Variants in POU2F1 observed in about 807,000 individuals in gnomAD.
POU2F1 encodes POU class 2 homeobox 1, also known as POU domain, class 2, transcription factor 1.
Under a neutral mutation model 84.9 loss-of-function variants are expected in POU2F1, and 16 were observed. The observed-to-expected ratio is 0.19, with a 90% CI of 0.13 to 0.29. POU2F1 has a LOEUF of 0.29. POU2F1 is among the 10% of genes least tolerant of loss of function. The pLI is 1.00. For synonymous variants in POU2F1, 368 were observed against 368.3 expected (o/e 1.00, Z 0.01); for missense variants, 738 against 942.6 (o/e 0.78, Z 2.84).
intron 1 of POU2F1, among the ~76,000 whole-genome samples, chr1:167,327,199 A>C (rs1449089131): frequency 6.6e-6 from 1 of 152,212 alleles, no homozygotes; most frequent in Non-Finnish European, 1.5e-5. Context: ...CAGTGACTTG[A>C]TGTCTGCCCT....
At chr1:167,317,467 T>C (rs1233094554) in intron 1 of POU2F1, among the ~76,000 whole-genome samples, 1 of 152,216 alleles carries the variant, frequency 6.6e-6, no homozygotes, top group Non-Finnish European at 1.5e-5. Context: ...ATCAGGGGGC[T>C]GACAGCCTTC....
At chr1:167,239,963 T>A (rs1418900955) in intron 1 of POU2F1, among the ~76,000 whole-genome samples, 1 of 151,202 alleles carries the variant, frequency 6.6e-6, no homozygotes, top group Non-Finnish European at 1.5e-5. Flanking sequence ...TTTTTTTCTT[T>A]AAGCTATGAA....
chr1:167,398,289 A>T (rs1045912787), intron 11 of POU2F1, among the ~76,000 whole-genome samples, 156 bp downstream of exon 11: 1 of 152,244 alleles, frequency 6.6e-6, no homozygotes, highest in African/African-American at 2.4e-5. Flanking sequence ...CTAACATAGG[A>T]GACAGAACCA....
intron 1 of POU2F1, among the ~76,000 whole-genome samples, chr1:167,312,237 A>AT (rs71572443): frequency 0.031 from 4,157 of 132,694 alleles, 69 homozygotes; most frequent in Middle Eastern, 0.046. Context: ...TGCCCAGCCA[A>AT]TTTTTTTTTT....
At chr1:167,298,004 T>C (rs1654408330) in intron 1 of POU2F1, among the ~76,000 whole-genome samples, 1 of 151,772 alleles carries the variant, frequency 6.6e-6, no homozygotes, top group South Asian at 2.1e-4. Flanking sequence ...TGCAAGCCTG[T>C]AATCCCAACT....
intron 1 of POU2F1, among the ~76,000 whole-genome samples, chr1:167,286,766 G>T (rs1557869606): frequency 6.6e-6 from 1 of 152,144 alleles, no homozygotes; most frequent in Non-Finnish European, 1.5e-5. Flanking sequence ...TGCTTTTGAA[G>T]ATGGAAATTA....
intron 1 of POU2F1, among the ~76,000 whole-genome samples, chr1:167,249,145 T>C (rs998689488): frequency 6.6e-6 from 1 of 152,226 alleles, no homozygotes; most frequent in African/African-American, 2.4e-5. Context: ...CATTTTTTTC[T>C]GCCTCTGTAA....
Position 167,415,942 on chromosome 1 carries a change from A to T in POU2F1, c.*132A>T. 58 of 523,892 alleles carry T rather than the reference A, an allele frequency of 1.1e-4. No individual in the cohort carries two copies. The highest frequency in any genetic ancestry group is 3.5e-4 in the Middle Eastern group (1 of 2,866). The allele number at this position is 523,892 out of a possible 1,614,324, so 32.5% of individuals were successfully genotyped here. Reference sequence around the variant, plus strand: ...TGTGAGGGCAAAGGAGAGAAGGGAGAAAAAAAAAAAAAAACCACACACACC... The same window carrying T: ...TGTGAGGGCAAAGGAGAGAAGGGAGTAAAAAAAAAAAAAACCACACACACC... On this transcript the variant is annotated 3_prime_UTR_variant, in exon 16 of 16. Transcript: ENST00000367866.
At chr1:167,224,823 T>G (rs1557828229) in intron 1 of POU2F1, among the ~76,000 whole-genome samples, 1 of 142,174 alleles carries the variant, frequency 7.0e-6, no homozygotes, top group Non-Finnish European at 1.5e-5. Context: ...TGTCACTGTC[T>G]TCTTTTTTTT....
At chr1:167,410,523 TA>T (rs767685698) in intron 13 of POU2F1, among the ~76,000 whole-genome samples, 13,646 of 151,872 alleles carry the variant, frequency 0.09, 1,967 homozygotes, top group African/African-American at 0.31. Flanking sequence ...TTATTATTAT[TA>T]TTATTATTTT....
chr1:167,294,728 T>G (rs1290973617), intron 1 of POU2F1, among the ~76,000 whole-genome samples: 1 of 152,134 alleles, frequency 6.6e-6, no homozygotes, highest in Non-Finnish European at 1.5e-5. Context: ...GATACCACTT[T>G]ATTACTGCAA....
intron 1 of POU2F1, among the ~76,000 whole-genome samples, chr1:167,313,742 T>C (rs1398830424): frequency 6.6e-6 from 1 of 152,202 alleles, no homozygotes; most frequent in African/African-American, 2.4e-5. Context: ...TGAATTGGCT[T>C]ATCAAAATTA....
At chr1:167,379,861 A>G (rs1463557679) in intron 7 of POU2F1, 2 of 152,142 alleles carry the variant, frequency 1.3e-5, no homozygotes, top group Non-Finnish European at 2.9e-5. Context: ...GGAATAATGA[A>G]TTACTGTTCA....
intron 2 of POU2F1, among the ~76,000 whole-genome samples, chr1:167,339,570 G>A (rs982766058): frequency 3.9e-5 from 6 of 152,172 alleles, no homozygotes; most frequent in African/African-American, 1.4e-4. Context: ...AACTCAAAGG[G>A]CAGACCTCTT....
intron 2 of POU2F1, among the ~76,000 whole-genome samples, chr1:167,340,640 CATGCTG>C (rs1657786578): frequency 6.6e-6 from 1 of 151,780 alleles, no homozygotes; most frequent in Non-Finnish European, 1.5e-5. Context: ...CCATGTTGCC[CATGCTG>C]ATCTTGAACT....
intron 12 of POU2F1, among the ~76,000 whole-genome samples, chr1:167,400,489 C>G (rs1649133378): frequency 6.6e-6 from 1 of 152,180 alleles, no homozygotes; most frequent in South Asian, 2.1e-4. Context: ...AACTTACACT[C>G]ACGTGATTAA....
chr1:167,405,823 C>G (rs1298917735), intron 13 of POU2F1, among the ~76,000 whole-genome samples: 1 of 152,204 alleles, frequency 6.6e-6, no homozygotes, highest in Non-Finnish European at 1.5e-5. Context: ...ATGGAACATC[C>G]ATCTCCCAGG....
intron 1 of POU2F1, among the ~76,000 whole-genome samples, chr1:167,222,793 C>T (rs570806725): frequency 1.7e-4 from 26 of 152,118 alleles, no homozygotes; most frequent in Non-Finnish European, 2.8e-4. Context: ...AGTATTGGGC[C>T]TAGGGGGAAA....
intron 1 of POU2F1, among the ~76,000 whole-genome samples, chr1:167,297,776 A>G (rs1654391880): frequency 6.6e-6 from 1 of 152,200 alleles, no homozygotes. Flanking sequence ...AATCAGCTCT[A>G]TCCCACTAGT....
Sources: allele counts gnomAD v4.1 joint callset (sites outside exome capture counted in the v4.1 genomes callset), GRCh38; gene constraint gnomAD v4.1.1; transcripts MANE v1.5; gene names NCBI Gene and HGNC (gene_info 2026-07-23, HGNC 2026-07-21).